The following GPC5 variants were observed in gnomAD, a reference collection of about 807,000 sequenced individuals.
GPC5 encodes glypican-5.
Under a neutral mutation model 53.9 loss-of-function variants are expected in GPC5, and 47 were observed. The ratio of observed to expected loss-of-function variants is 0.87; its 90% confidence interval spans 0.69 to 1.11. The LOEUF is 1.11. GPC5 is among the 50% of genes most tolerant of loss of function. GPC5 has a pLI of 0.00. For synonymous variants in GPC5, 286 were observed against 263.3 expected, an observed-to-expected ratio of 1.09 and a Z score of -0.84; for missense variants, 748 against 713.1, an observed-to-expected ratio of 1.05 and a Z score of -0.56.
intron 1 of GPC5, among the ~76,000 whole-genome samples, chr13:91,444,194 C>A (rs1880628549): frequency 1.3e-5 from 2 of 152,026 alleles, no homozygotes. Flanking sequence ...AGTAAGGCTT[C>A]ATTTAGAATT....
chr13:91,649,431 A>G (rs973618231), intron 2 of GPC5, among the ~76,000 whole-genome samples: 9 of 152,178 alleles, frequency 5.9e-5, no homozygotes, highest in Non-Finnish European at 1.3e-4. Context: ...ACAAGCTCTT[A>G]TTCAGCACAG....
At chr13:92,422,245 T>C (rs1174880609) in intron 7 of GPC5, among the ~76,000 whole-genome samples, 1 of 152,082 alleles carries the variant, frequency 6.6e-6, no homozygotes, top group African/African-American at 2.4e-5. Flanking sequence ...CCTGTAAACC[T>C]CAGGAGATGC....
intron 7 of GPC5, among the ~76,000 whole-genome samples, chr13:92,701,193 T>A (rs890903409): frequency 6.6e-6 from 1 of 152,086 alleles, no homozygotes; most frequent in Non-Finnish European, 1.5e-5. Context: ...TATTAAAAAA[T>A]TATTTTTAAA....
chr13:92,482,249 T>C (rs1879386119), intron 7 of GPC5, among the ~76,000 whole-genome samples: 1 of 152,194 alleles, frequency 6.6e-6, no homozygotes, highest in Non-Finnish European at 1.5e-5. Context: ...AAACGTGTCT[T>C]ATGTCCACAT....
chr13:91,675,938 T>A (rs1295570553), intron 2 of GPC5, among the ~76,000 whole-genome samples: 1 of 152,134 alleles, frequency 6.6e-6, no homozygotes, highest in African/African-American at 2.4e-5. Context: ...TTTAGAAATG[T>A]CAGGGTCAGG....
chr13:92,657,307 A>G (rs1886168821), intron 7 of GPC5, among the ~76,000 whole-genome samples: 1 of 152,198 alleles, frequency 6.6e-6, no homozygotes, highest in South Asian at 2.1e-4. Flanking sequence ...TAAATAGTAC[A>G]TACATTGTTC....
chr13:92,481,041 G>C (rs2139432967), intron 7 of GPC5, among the ~76,000 whole-genome samples: 1 of 152,246 alleles, frequency 6.6e-6, no homozygotes, highest in East Asian at 1.9e-4. Flanking sequence ...ATGTCACTCA[G>C]TGGGTTCTAC....
At chr13:92,666,712 A>G (rs35871738) in intron 7 of GPC5, among the ~76,000 whole-genome samples, 36,364 of 152,150 alleles carry the variant, frequency 0.24, 5,016 homozygotes, top group South Asian at 0.39. Context: ...CTCAGCATTT[A>G]TAATTTATCA....
intron 2 of GPC5, among the ~76,000 whole-genome samples, chr13:91,530,237 C>T (rs1886280109): frequency 6.6e-6 from 1 of 152,182 alleles, no homozygotes; most frequent in African/African-American, 2.4e-5. Context: ...GTTATGCAGT[C>T]ATGTTTGGAT....
At chr13:91,988,411 T>C (rs2040428030) in intron 6 of GPC5, among the ~76,000 whole-genome samples, 1 of 152,180 alleles carries the variant, frequency 6.6e-6, no homozygotes, top group Non-Finnish European at 1.5e-5. Flanking sequence ...CATGAAATCT[T>C]TGATCCAAAA....
rs1441350208 is a variant in GPC5, at chr13:91,571,937, A to G, written c.326-121250A>G. The stretch of plus-strand genomic sequence containing the variant: ...ATACACATATTGTATATATACACAC[A>G]TGTATATACATATACACACATATAT... On this transcript the variant is annotated intron_variant, in intron 2 of 7. Coordinates refer to ENST00000377067, the MANE Select transcript of GPC5 (RefSeq NM_004466.6). Among the ~76,000 whole-genome samples, 74 of 133,948 alleles carry G rather than the reference A, an allele frequency of 5.5e-4. 8 individuals carry two copies. In the South Asian group the frequency reaches 9.0e-3, roughly 16 times the overall value. The allele number at this position is 133,948 out of a possible 152,430, so 87.9% of individuals were successfully genotyped here. A position where few individuals can be genotyped will look rare whatever the true frequency, so the allele number is the denominator to read the frequency against.
intron 7 of GPC5, among the ~76,000 whole-genome samples, chr13:92,758,097 G>T (rs932204516): frequency 4.0e-5 from 6 of 149,312 alleles, no homozygotes; most frequent in Non-Finnish European, 1.5e-5. Flanking sequence ...GTCCAACAAT[G>T]ATAGACTGGA....
At chr13:91,664,314 C>T (rs903356800) in intron 2 of GPC5, among the ~76,000 whole-genome samples, 6 of 152,196 alleles carry the variant, frequency 3.9e-5, no homozygotes, top group Non-Finnish European at 5.9e-5. Context: ...AGAGGGAAAG[C>T]GCTCAGAAGC....
At chr13:92,236,099 A>T (rs542884159) in intron 7 of GPC5, among the ~76,000 whole-genome samples, 4 of 152,210 alleles carry the variant, frequency 2.6e-5, no homozygotes, top group African/African-American at 9.6e-5. Context: ...CTGTATTATA[A>T]CAAGCACCAA....
rs116440944 is a variant in GPC5 at position 92,675,666 on chromosome 13, G to C, written c.1562-190616G>C. ...AAATAGAAACAGCTATAGGACTAAAGTTTCTTATATGAATCTTATAGTTTA... is the reference window on the plus strand; with the variant it reads ...AAATAGAAACAGCTATAGGACTAAACTTTCTTATATGAATCTTATAGTTTA... On this transcript the variant is annotated intron_variant, in intron 7 of 7. Transcript: ENST00000377067. 7.1e-3 allele frequency among the ~76,000 whole-genome samples: 1,086 copies of C among 151,932 alleles called. 15 individuals are homozygous for C. Among genetic ancestry groups the C allele is most frequent in the African/African-American group, 0.024 (1,012 of 41,436 alleles).
chr13:91,897,776 T>C (rs1037987607), intron 5 of GPC5, among the ~76,000 whole-genome samples: 17 of 152,184 alleles, frequency 1.1e-4, no homozygotes, highest in African/African-American at 4.1e-4. Flanking sequence ...ACACATCTCG[T>C]GACTGCTGTT....
chr13:91,762,737 A>T (rs2037441350), intron 5 of GPC5, among the ~76,000 whole-genome samples: 1 of 152,072 alleles, frequency 6.6e-6, no homozygotes, highest in African/African-American at 2.4e-5. Flanking sequence ...TGATTTGAAG[A>T]CTTCTTCCTC....
At chr13:91,484,572 G>A (rs980504268) in intron 2 of GPC5, among the ~76,000 whole-genome samples, 12 of 150,832 alleles carry the variant, frequency 8.0e-5, no homozygotes, top group Admixed American at 3.3e-4. Context: ...ATGTATTTTC[G>A]TATATATGTA....
intron 7 of GPC5, among the ~76,000 whole-genome samples, chr13:92,303,744 G>T (rs1441209170): frequency 1.3e-5 from 2 of 152,134 alleles, no homozygotes; most frequent in Admixed American, 1.3e-4. Context: ...GAAAGCAAAT[G>T]ATGAAGAAAT....
Sources: allele counts gnomAD v4.1 joint callset (sites outside exome capture counted in the v4.1 genomes callset), GRCh38; gene constraint gnomAD v4.1.1; transcripts MANE v1.5; gene names NCBI Gene and HGNC (gene_info 2026-07-23, HGNC 2026-07-21).